CLN8: variants seen among roughly 807,000 people sequenced by gnomAD.
CLN8 encodes the protein protein CLN8.
Under a neutral mutation model 15.7 loss-of-function variants are expected in CLN8, and 14 were observed. The observed-to-expected ratio is 0.89, with a 90% CI of 0.59 to 1.39. The LOEUF (loss-of-function observed/expected upper bound fraction) is 1.39. Among genes scored for constraint, CLN8 ranks in the 40% most tolerant of loss-of-function variants. The probability of loss-of-function intolerance (pLI) is 0.00; values close to 1 mark genes in which losing one functional copy is unlikely to be tolerated. For synonymous variants in CLN8, 188 were observed against 151.0 expected (o/e 1.25, Z -1.80); for missense variants, 415 against 364.0 (o/e 1.14, Z -1.14).
chr8:1,760,250 T>A (rs1260601226), upstream of CLN8: 1 of 152,110 alleles, frequency 6.6e-6, no homozygotes, highest in Non-Finnish European at 1.5e-5. Context: ...AAAGAACCAG[T>A]TTATCAAAGT....
upstream of CLN8, among the ~76,000 whole-genome samples, chr8:1,753,418 A>C (rs938260346): frequency 1.3e-5 from 2 of 152,110 alleles, no homozygotes; most frequent in South Asian, 2.1e-4. Flanking sequence ...TAAAAATACA[A>C]AAATTAGCCA....
At chr8:1,753,604 A>G (rs1405795940), upstream of CLN8, among the ~76,000 whole-genome samples, 3 of 119,334 alleles carry the variant, frequency 2.5e-5, no homozygotes, top group East Asian at 7.6e-4. Context: ...AAGAAAAAAC[A>G]GGCTGGGTGT....
At chr8:1,780,060 G>A (rs776162669) in intron 2 of CLN8, 190 bp from the exon 3 acceptor site, 26 of 985,358 alleles carry the variant, frequency 2.6e-5, no homozygotes, top group Non-Finnish European at 2.8e-5. Flanking sequence ...GCCCAGGTGC[G>A]CCCACAGAGC....
rs769770739 is a variant in CLN8, at chr8:1,771,044, A to G, written c.-11A>G. The G allele has an allele frequency of 1.9e-6, 3 of 1,613,914 alleles. No individual in the cohort carries two copies. Among genetic ancestry groups the G allele is most frequent in the East Asian group, 2.2e-5 (1 of 44,844 alleles). ...TGGCCCCAGGACTCCTTTGGAATAT[A>G]GCTGTGGACAATGAATCCTGCGAGC... On this transcript the variant is annotated 5_prime_UTR_variant, in exon 2 of 3. It adds an upstream start codon to the 5' untranslated region. Transcript: ENST00000331222.
Position 1,781,435 on chromosome 8 carries a change from A to G in CLN8, c.*868A>G, listed in dbSNP as rs1027031847. On this transcript the variant is annotated 3_prime_UTR_variant, in exon 3 of 3. Coordinates refer to ENST00000331222, the MANE Select transcript of CLN8 (RefSeq NM_018941.4). ...TGCCATCTGGTGGCAAGTGGTACAA[A>G]GACAACGCTGAGGGGTAGTGACTCC... The G allele has an allele frequency of 2.6e-4, 40 of 151,608 alleles. No homozygotes were observed. Among genetic ancestry groups the G allele is most frequent in the African/African-American group, 8.2e-4 (34 of 41,324 alleles). The allele number at this position is 151,608 out of a possible 1,614,324, so 9.4% of individuals were successfully genotyped here.
upstream of CLN8, chr8:1,763,753 C>G (rs1035719369): frequency 6.8e-6 from 1 of 148,080 alleles, no homozygotes; most frequent in Non-Finnish European, 1.5e-5. Context: ...CACGCGCGTG[C>G]GAACGCGCGT....
upstream of CLN8, among the ~76,000 whole-genome samples, chr8:1,753,909 T>A: frequency 6.7e-6 from 1 of 150,266 alleles, no homozygotes. Context: ...GAAAAGAAAA[T>A]TTCTCATTCT....
chr8:1,766,715 G>A (rs919387646), intron 1 of CLN8, among the ~76,000 whole-genome samples: 1 of 152,170 alleles, frequency 6.6e-6, no homozygotes, highest in African/African-American at 2.4e-5. Flanking sequence ...TTTTACCCAT[G>A]GAAGGAACAG....
chr8:1,757,370 G>T (rs1800695306), intron 1 of CLN8, among the ~76,000 whole-genome samples: 1 of 152,230 alleles, frequency 6.6e-6, no homozygotes, highest in Admixed American at 6.5e-5. Flanking sequence ...AGGACAGTGT[G>T]CTATGGTGGC....
In CLN8 at chr8:1,771,443, C is replaced by A. The variant is rs1165037847; in HGVS notation, c.389C>A (p.Thr130Lys). The A allele has an allele frequency of 6.2e-7, 1 of 1,614,220 alleles. No individual in the cohort carries two copies. The highest frequency in any genetic ancestry group is 1.7e-5 in the Admixed American group (1 of 60,016). ...CACCTGTCCAACTTGATCTTCCGGA[C>A]ATTTGACTTGTTTCTGGTTATCCAC... Reference protein sequence around the residue: ...AVHLSNLIFRTFDLFLVIHHL... With the variant: ...AVHLSNLIFRKFDLFLVIHHL... Residue 130 changes from threonine (T) to lysine (K), a missense_variant, in exon 2 of 3, where the codon ACA becomes AAA. Transcript: ENST00000331222.
chr8:1,760,823 A>T (rs1235852768), upstream of CLN8, among the ~76,000 whole-genome samples: 4 of 152,052 alleles, frequency 2.6e-5, no homozygotes, highest in Non-Finnish European at 1.5e-5. Flanking sequence ...CAGAGTGGGG[A>T]GCCCGCGGAA....
Position 1,784,691 on chromosome 8 carries a change from G to C in CLN8, c.*4124G>C, listed in dbSNP as rs1221902550. 1 of 152,506 alleles carries C rather than the reference G, an allele frequency of 6.6e-6. No individual in the cohort carries two copies. The highest frequency in any genetic ancestry group is 1.5e-5 in the Non-Finnish European group (1 of 68,310). 9.4% of individuals were successfully genotyped at this position (152,506 alleles called of 1,614,324 possible). ...CACAGGATGGCTGCTTGGCAGTAGGGAGTGGATGAACCAGTAGTACCCAGG... is the reference window on the plus strand; with the variant it reads ...CACAGGATGGCTGCTTGGCAGTAGGCAGTGGATGAACCAGTAGTACCCAGG... On this transcript the variant is annotated 3_prime_UTR_variant, in exon 3 of 3. Transcript: ENST00000331222.
chr8:1,775,902 G>T (rs1357043387), intron 2 of CLN8, among the ~76,000 whole-genome samples: 1 of 152,340 alleles, frequency 6.6e-6, no homozygotes, highest in East Asian at 1.9e-4. Flanking sequence ...TAACAAAGAC[G>T]ATTCTCAGTC....
intron 2 of CLN8, chr8:1,773,992 G>C (rs1393160932): frequency 3.3e-5 from 5 of 152,196 alleles, no homozygotes; most frequent in Non-Finnish European, 7.3e-5. Context: ...TAGTTATCTT[G>C]TATTTTATTT....
rs575820157 is a variant in CLN8 at position 1,771,255 on chromosome 8, G to A, written c.201G>A (p.Ala67=). The change falls in exon 2 of 3, where the codon GCG becomes GCA. Residue 67 remains alanine (A), a synonymous_variant. Coordinates refer to ENST00000331222, the MANE Select transcript of CLN8 (RefSeq NM_018941.4). Reference sequence around the variant, plus strand: ...GAGAGAAGGTCTTCTGGGACCTGGCGGCCACGCGTGCAGTCTTTGGTGTTC... The same window carrying A: ...GAGAGAAGGTCTTCTGGGACCTGGCAGCCACGCGTGCAGTCTTTGGTGTTC... ...VAREKVFWDL[A]ATRAVFGVQS... The A allele has an allele frequency of 8.1e-6, 13 of 1,613,490 alleles. No homozygotes were observed. Among genetic ancestry groups the A allele is most frequent in the East Asian group, 4.5e-5 (2 of 44,858 alleles).
chr8:1,767,905 C>G (rs970990661), intron 1 of CLN8, among the ~76,000 whole-genome samples: 1 of 151,176 alleles, frequency 6.6e-6, no homozygotes, highest in Non-Finnish European at 1.5e-5. Context: ...TAGTCAGATT[C>G]TGGGGTCCAG....
In CLN8 at chr8:1,780,407, TC is replaced by T. The variant is rs761621368; in HGVS notation, c.703del (p.Val236SerfsTer8). 6 of 1,614,122 alleles carry T rather than the reference TC, an allele frequency of 3.7e-6. No individual in the cohort carries two copies. In the African/African-American group the frequency reaches 8.0e-5, roughly 22 times the overall value. ...CTGTATCTGCCTCATTTGACACTGTTCCTTGTCGGACTGGCTCTGCTTACGC... is the reference window on the plus strand; with the variant it reads ...CTGTATCTGCCTCATTTGACACTGTTCTTGTCGGACTGGCTCTGCTTACGC... ...SSLYLPHLTL[F>X]LVGLALLTLI... On this transcript the variant is annotated frameshift_variant, in exon 3 of 3. Transcript: ENST00000331222. LOFTEE classifies it high-confidence loss of function.
intron 2 of CLN8, among the ~76,000 whole-genome samples, chr8:1,778,746 T>A (rs1801608782): frequency 6.6e-6 from 1 of 152,210 alleles, no homozygotes; most frequent in African/African-American, 2.4e-5. Context: ...CCGTGACAGT[T>A]GTATGAGGCA....
chr8:1,777,014 G>A (rs1438110057), intron 2 of CLN8, among the ~76,000 whole-genome samples: 2 of 152,154 alleles, frequency 1.3e-5, no homozygotes, highest in South Asian at 2.1e-4. Flanking sequence ...GTTGCTTAAC[G>A]ACGGGCTGTG....
Sources: allele counts gnomAD v4.1 joint callset (sites outside exome capture counted in the v4.1 genomes callset), GRCh38; gene constraint gnomAD v4.1.1; transcripts MANE v1.5; gene names NCBI Gene and HGNC (gene_info 2026-07-23, HGNC 2026-07-21).